ZNF462: variants seen among roughly 807,000 people sequenced by gnomAD.
ZNF462 encodes the protein zinc finger protein 462, also known as zinc finger PBX1-interacting protein.
Under a neutral mutation model 201.9 loss-of-function variants are expected in ZNF462, and 10 were observed. That is an observed-to-expected ratio of 0.05 (90% CI 0.03 to 0.08). The LOEUF (loss-of-function observed/expected upper bound fraction) is 0.08, where lower values mean the gene tolerates loss of function less well. Ranked by LOEUF, ZNF462 falls within the 10% of genes least tolerant of loss-of-function variation. The probability of loss-of-function intolerance (pLI) is 1.00; values close to 1 mark genes in which losing one functional copy is unlikely to be tolerated. For missense variants in ZNF462, 2,523 were observed against 3,168.3 expected, an observed-to-expected ratio of 0.80 and a Z score of 4.89; for synonymous variants, 1,227 against 1,193.3, an observed-to-expected ratio of 1.03 and a Z score of -0.58.
chr9:106,908,925 A>T (rs1213258655), intron 1 of ZNF462, among the ~76,000 whole-genome samples: 1 of 26,002 alleles, frequency 3.8e-5, no homozygotes, highest in Non-Finnish European at 6.4e-5. Context: ...ATATATATAT[A>T]TATATATATA....
At chr9:106,879,338 C>CCCG (rs1554693627) in intron 1 of ZNF462, among the ~76,000 whole-genome samples, 2 of 107,050 alleles carry the variant, frequency 1.9e-5, no homozygotes, top group Non-Finnish European at 1.9e-5. Context: ...TTCCACCCCC[C>CCCG]CCCCCACCCC....
Position 106,872,778 on chromosome 9 carries a change from A to G in ZNF462, c.-31+9423A>G, listed in dbSNP as rs1020507116. On this transcript the variant is annotated intron_variant, in intron 1 of 12. Transcript: ENST00000277225. The surrounding 1 kb of genome is among the most constrained non-coding windows in gnomAD (Gnocchi z 4.5). ...ACTGGGTAAGAACAATAGAAAATAA[A>G]TATGATTGCTTCATCAAAAAAATCT... Among the ~76,000 whole-genome samples, 1 of 152,218 alleles carries G rather than the reference A, an allele frequency of 6.6e-6. No individual in the cohort carries two copies. The highest frequency in any genetic ancestry group is 2.4e-5 in the African/African-American group (1 of 41,458).
In ZNF462 at chr9:107,008,032, A is replaced by G. The variant is rs762009518; in HGVS notation, c.7190-1513A>G. Among the ~76,000 whole-genome samples, 3 of 152,076 alleles carry G rather than the reference A, an allele frequency of 2.0e-5. No homozygotes were observed. Among genetic ancestry groups the G allele is most frequent in the Non-Finnish European group, 4.4e-5 (3 of 67,992 alleles). On this transcript the variant is annotated intron_variant, in intron 11 of 12. Coordinates refer to ENST00000277225, the MANE Select transcript of ZNF462 (RefSeq NM_021224.6). This position sits in a 1 kb window ranked among gnomAD's most constrained non-coding sequence, Gnocchi z 4.8. ...TCTAAATGCAAGTGCCGGACTGAAT[A>G]TGGACACGCTGCAGGTCCTGCCTAG...
chr9:106,885,869 T>A lies in ZNF462; in HGVS notation c.-31+22514T>A, dbSNP rs1442215744. Among the ~76,000 whole-genome samples, 1 of 152,128 alleles carries A rather than the reference T, an allele frequency of 6.6e-6. No individual in the cohort carries two copies. The highest frequency in any genetic ancestry group is 1.5e-5 in the Non-Finnish European group (1 of 68,028). On this transcript the variant is annotated intron_variant, in intron 1 of 12. Transcript: ENST00000277225. This position sits in a 1 kb window ranked among gnomAD's most constrained non-coding sequence, Gnocchi z 4.1. Reference sequence around the variant, plus strand: ...GAGTTTCCAGTTCCTCTATCCCTATTCCCTGTCATCACATAAACCACTTGG... The same window carrying A: ...GAGTTTCCAGTTCCTCTATCCCTATACCCTGTCATCACATAAACCACTTGG...
chr9:106,992,536 T>C (rs1292905897), intron 10 of ZNF462, among the ~76,000 whole-genome samples: 1 of 152,150 alleles, frequency 6.6e-6, no homozygotes, highest in Non-Finnish European at 1.5e-5. Context: ...AATGGAGTAC[T>C]ATTCAGCGAT....
chr9:106,891,359 G>T (rs1307317985), intron 1 of ZNF462, among the ~76,000 whole-genome samples: 1 of 151,918 alleles, frequency 6.6e-6, no homozygotes, highest in Non-Finnish European at 1.5e-5. Flanking sequence ...TGAGTTATCT[G>T]TGTCCTCTGA....
At chr9:106,971,366 T>TAAA (rs71491265) in intron 7 of ZNF462, among the ~76,000 whole-genome samples, 1 of 126,786 alleles carries the variant, frequency 7.9e-6, no homozygotes, top group African/African-American at 3.4e-5. Flanking sequence ...CGATTTCCTT[T>TAAA]AAAAAAAAAA....
Position 106,993,677 on chromosome 9 carries a change from C to G in ZNF462, c.7056+9268C>G, listed in dbSNP as rs1166059162. ...ATTCTCTGTCCCCCAACATTCTACC[C>G]CCCAACACACATAGTGAATTATTTA... is the stretch of plus-strand genomic sequence containing the variant. On this transcript the variant is annotated intron_variant, in intron 10 of 12. Transcript: ENST00000277225. This position sits in a 1 kb window ranked among gnomAD's most constrained non-coding sequence, Gnocchi z 4.0. 6.7e-6 allele frequency among the ~76,000 whole-genome samples: 1 copy of G among 149,800 alleles called. No homozygotes were observed. Among genetic ancestry groups the G allele is most frequent in the East Asian group, 2.0e-4 (1 of 4,932 alleles).
chr9:106,897,347 G>C (rs1264912269), intron 1 of ZNF462, among the ~76,000 whole-genome samples: 2 of 152,104 alleles, frequency 1.3e-5, no homozygotes, highest in African/African-American at 4.8e-5. Context: ...CCTTAGTACA[G>C]GTTTTGGTAT....
intron 7 of ZNF462, 26 bp from the exon 8 acceptor site, chr9:106,971,979 G>T (rs759006941): frequency 6.3e-7 from 1 of 1,598,706 alleles, no homozygotes; most frequent in South Asian, 1.1e-5. Context: ...TCTGTGCCCC[G>T]TGTCATTTTT....
chr9:106,864,039 GCTCTCTCTCTCTCTCTCTCT>G (rs773917122), intron 1 of ZNF462, among the ~76,000 whole-genome samples: 300 of 22,738 alleles, frequency 0.013, 6 homozygotes, highest in Admixed American at 0.027. Flanking sequence ...CAGGTATTTG[GCTCTCTCTCTCTCTCTCTCT>G]CTCTCTCTCT....
Position 106,960,069 on chromosome 9 carries a change from G to A in ZNF462, c.6428-11936G>A, listed in dbSNP as rs926719178. ...TGGGTTTGTTGGCTCAGAGACTCCC[G>A]CTCGGGGACAATTTTAGAAGAGCTC... is the stretch of plus-strand genomic sequence containing the variant. On this transcript the variant is annotated intron_variant, in intron 7 of 12. Coordinates refer to ENST00000277225, the MANE Select transcript of ZNF462 (RefSeq NM_021224.6). 2.6e-5 allele frequency among the ~76,000 whole-genome samples: 4 copies of A among 152,064 alleles called. No individual in the cohort carries two copies. In the South Asian group the frequency reaches 6.2e-4, roughly 24 times the overall value.
Position 106,895,101 on chromosome 9 carries a change from C to G in ZNF462, c.-30-28253C>G, listed in dbSNP as rs1247119721. Among the ~76,000 whole-genome samples the G allele has an allele frequency of 6.6e-6, 1 of 152,192 alleles. No homozygotes were observed. The highest frequency in any genetic ancestry group is 1.5e-5 in the Non-Finnish European group (1 of 68,040). On this transcript the variant is annotated intron_variant, in intron 1 of 12. Coordinates refer to ENST00000277225, the MANE Select transcript of ZNF462 (RefSeq NM_021224.6). This position sits in a 1 kb window ranked among gnomAD's most constrained non-coding sequence, Gnocchi z 4.4. ...TGCTTCTGAGTACCCTTTGTTTAAA[C>G]TATTCCAACCTAAGGTCTGTTGCTT...
chr9:106,890,205 A>G lies in ZNF462; in HGVS notation c.-31+26850A>G, dbSNP rs1828514121. Among the ~76,000 whole-genome samples the G allele has an allele frequency of 6.6e-6, 1 of 152,222 alleles. No homozygotes were observed. Among genetic ancestry groups the G allele is most frequent in the Non-Finnish European group, 1.5e-5 (1 of 68,032 alleles). ...TTGGCAATAAAAACTATATGTGAGA[A>G]TTTCGTGGCCTTGACTGAGCTGTGT... On this transcript the variant is annotated intron_variant, in intron 1 of 12. Transcript: ENST00000277225. This position sits in a 1 kb window ranked among gnomAD's most constrained non-coding sequence, Gnocchi z 4.2.
rs1829472098 is a variant in ZNF462 at position 107,005,327 on chromosome 9, C to G, written c.7189+1901C>G. Among the ~76,000 whole-genome samples, 1 of 152,200 alleles carries G rather than the reference C, an allele frequency of 6.6e-6. No homozygotes were observed. ...ACGGGTGTACTAATTTGCAGTCCCA[C>G]CAACAATGCAACAGGAGTTCGCTTA... On this transcript the variant is annotated intron_variant, in intron 11 of 12. Coordinates refer to ENST00000277225, the MANE Select transcript of ZNF462 (RefSeq NM_021224.6). The surrounding 1 kb of genome is among the most constrained non-coding windows in gnomAD (Gnocchi z 4.4).
intron 7 of ZNF462, among the ~76,000 whole-genome samples, chr9:106,951,554 G>A (rs1831348566): frequency 6.6e-6 from 1 of 152,164 alleles, no homozygotes; most frequent in Non-Finnish European, 1.5e-5. Context: ...ATGAACAGAG[G>A]TGACTCTACT....
intron 1 of ZNF462, among the ~76,000 whole-genome samples, chr9:106,903,128 G>A (rs950122822): frequency 6.6e-6 from 1 of 151,898 alleles, no homozygotes; most frequent in Non-Finnish European, 1.5e-5. Context: ...GTTTTGATAG[G>A]TTGTGTCATT....
chr9:106,888,151 C>T (rs1015730099), intron 1 of ZNF462, among the ~76,000 whole-genome samples: 2 of 152,018 alleles, frequency 1.3e-5, no homozygotes, highest in East Asian at 3.9e-4. Context: ...ACGCCGTTCT[C>T]CCGCCTCAGC....
At chr9:106,945,094 G>A (rs1480519075) in intron 7 of ZNF462, among the ~76,000 whole-genome samples, 1 of 152,146 alleles carries the variant, frequency 6.6e-6, no homozygotes, top group African/African-American at 2.4e-5. Context: ...GATTAATCCA[G>A]TCTTTAATAA....
Sources: gnomAD v4.1 joint callset for allele counts (sites outside exome capture counted in the v4.1 genomes callset) on GRCh38, gnomAD v4.1.1 for gene constraint, Gnocchi (gnomAD v3.1) non-coding constraint, MANE v1.5 for transcripts, NCBI Gene and HGNC (gene_info 2026-07-23, HGNC 2026-07-21) for gene names.